Variants in FAM169A observed in about 807,000 individuals in gnomAD.
FAM169A encodes soluble lamin-associated protein of 75 kDa.
A neutral mutation model predicts 75.7 loss-of-function variants in FAM169A; 24 were observed. The observed-to-expected ratio is 0.32, with a 90% CI of 0.23 to 0.45. FAM169A has a LOEUF of 0.45. Ranked by LOEUF, FAM169A falls within the 20% of genes least tolerant of loss-of-function variation. The probability of loss-of-function intolerance (pLI) is 1.00; values close to 1 mark genes in which losing one functional copy is unlikely to be tolerated. For synonymous variants in FAM169A, 271 were observed against 271.0 expected (o/e 1.00, Z 0.00); for missense variants, 673 against 784.0 (o/e 0.86, Z 1.69).
At chr5:74,796,261 A>G in intron 10 of FAM169A, 75 bp from the exon 11 acceptor site, 1 of 1,371,542 alleles carries the variant, frequency 7.3e-7, no homozygotes, top group African/African-American at 1.5e-5. Context: ...CCTTTCTTAA[A>G]GTAACATTTT....
intron 5 of FAM169A, among the ~76,000 whole-genome samples, chr5:74,823,656 G>A (rs1747873580): frequency 6.6e-6 from 1 of 152,024 alleles, no homozygotes; most frequent in African/African-American, 2.4e-5. Flanking sequence ...AACCCTTATT[G>A]GCAAGCAAGT....
intron 8 of FAM169A, among the ~76,000 whole-genome samples, chr5:74,804,012 G>C (rs1476017383): frequency 6.6e-6 from 1 of 152,032 alleles, no homozygotes; most frequent in Non-Finnish European, 1.5e-5. Context: ...ATAGATAATA[G>C]AATAGTGTGC....
At chr5:74,811,085 CA>C (rs1361668165) in intron 6 of FAM169A, among the ~76,000 whole-genome samples, 8 of 150,382 alleles carry the variant, frequency 5.3e-5, no homozygotes, top group Admixed American at 1.3e-4. Flanking sequence ...CAGGCTCAAG[CA>C]AAATCTGGTG....
chr5:74,799,435 T>C (rs927857366), intron 10 of FAM169A: 29 of 1,612,954 alleles, frequency 1.8e-5, no homozygotes, highest in Non-Finnish European at 2.3e-5. Context: ...AGTCCTCAGC[T>C]TGGATTGGCA....
At chr5:74,818,713 G>C (rs1747601572) in intron 5 of FAM169A, among the ~76,000 whole-genome samples, 1 of 151,238 alleles carries the variant, frequency 6.6e-6, no homozygotes, top group African/African-American at 2.4e-5. Context: ...GATTACAAAA[G>C]GGCAAAGACA....
intron 6 of FAM169A, among the ~76,000 whole-genome samples, chr5:74,811,728 A>C (rs543156708): frequency 6.6e-6 from 1 of 152,360 alleles, no homozygotes; most frequent in East Asian, 1.9e-4. Context: ...TGCAAAAACA[A>C]ACCCACTAAT....
At chr5:74,784,246 G>A (rs1310033119) in intron 11 of FAM169A, among the ~76,000 whole-genome samples, 1 of 151,892 alleles carries the variant, frequency 6.6e-6, no homozygotes, top group African/African-American at 2.4e-5. Flanking sequence ...CAATAAGGGG[G>A]AAAAGGCAAG....
In FAM169A at chr5:74,796,199, A is replaced by C. The variant is rs769691284; in HGVS notation, c.1104-13T>G. On this transcript the variant is annotated splice_polypyrimidine_tract_variant and intron_variant, in intron 10 of 12. Coordinates refer to ENST00000687041, the MANE Select transcript of FAM169A (RefSeq NM_001376049.1). Reference sequence around the variant, plus strand: ...AGTAGACTCCAATCTAAAAAACAAAAGAAAACCATTCTGACTTGTTTTATT... The same window carrying C: ...AGTAGACTCCAATCTAAAAAACAAACGAAAACCATTCTGACTTGTTTTATT... 7 of 1,593,670 alleles carry C rather than the reference A, an allele frequency of 4.4e-6. No homozygotes were observed. The South Asian group carries it at 8.1e-5, about 19-fold the overall frequency.
chr5:74,805,309 T>A, intron 6 of FAM169A, 25 bp from the exon 7 acceptor site: 1 of 1,604,488 alleles, frequency 6.2e-7, no homozygotes, highest in Non-Finnish European at 8.5e-7. Flanking sequence ...TAGAATTTTC[T>A]AGAAATCCCA....
chr5:74,805,295 C>T lies in FAM169A; in HGVS notation c.671-11G>A. ...AGTATTGCTTGCAAGCTGAAAAACACATTTAGAATTTTCTAGAAATCCCAA... is the reference window on the plus strand; with the variant it reads ...AGTATTGCTTGCAAGCTGAAAAACATATTTAGAATTTTCTAGAAATCCCAA... On this transcript the variant is annotated splice_polypyrimidine_tract_variant and intron_variant, in intron 6 of 12. Coordinates refer to ENST00000687041, the MANE Select transcript of FAM169A (RefSeq NM_001376049.1). 3.1e-6 allele frequency: 5 copies of T among 1,606,120 alleles called. No homozygotes were observed. Among genetic ancestry groups the T allele is most frequent in the Non-Finnish European group, 4.2e-6 (5 of 1,177,656 alleles).
intron 6 of FAM169A, 92 bp from the exon 7 acceptor site, chr5:74,805,376 C>T (rs761561863): frequency 3.2e-5 from 38 of 1,194,270 alleles, no homozygotes; most frequent in Admixed American, 1.1e-4. Flanking sequence ...ACTCACTTAA[C>T]GGGGCTAGCA....
chr5:74,797,570 G>A (rs183540989), intron 10 of FAM169A, among the ~76,000 whole-genome samples: 40 of 152,226 alleles, frequency 2.6e-4, no homozygotes, highest in Admixed American at 9.2e-4. Flanking sequence ...TGCTTTAGTC[G>A]AAATCTGTAG....
Position 74,778,880 on chromosome 5 carries a change from TAATTGTGAA to T in FAM169A, c.*2571_*2579del, listed in dbSNP as rs1298666576. On this transcript the variant is annotated 3_prime_UTR_variant, in exon 13 of 13. Coordinates refer to ENST00000687041, the MANE Select transcript of FAM169A (RefSeq NM_001376049.1). The stretch of plus-strand genomic sequence containing the variant: ...TTGAAATCACATTTTCAGTCCTCTG[TAATTGTGAA>T]ATTTTTTCTAATGCCTTGCAAAAAC... 4 of 152,130 alleles carry T rather than the reference TAATTGTGAA, an allele frequency of 2.6e-5. No individual in the cohort carries two copies. Among genetic ancestry groups the T allele is most frequent in the Admixed American group, 1.3e-4 (2 of 15,282 alleles). 9.4% of individuals were successfully genotyped at this position (152,130 alleles called of 1,614,324 possible).
rs1435123074 is a variant in FAM169A, at chr5:74,779,201, A to G, written c.*2259T>C. ...TATACTGTTAGCCCCCAATGGTCAT[A>G]TATGATTAATAAACATTTTTTGTAA... On this transcript the variant is annotated 3_prime_UTR_variant, in exon 13 of 13. Transcript: ENST00000687041. The G allele has an allele frequency of 6.6e-6, 1 of 152,166 alleles. No homozygotes were observed. Among genetic ancestry groups the G allele is most frequent in the Non-Finnish European group, 1.5e-5 (1 of 67,994 alleles). 9.4% of individuals were successfully genotyped at this position (152,166 alleles called of 1,614,324 possible).
intron 11 of FAM169A, among the ~76,000 whole-genome samples, chr5:74,794,561 A>C (rs1362994421): frequency 6.7e-6 from 1 of 148,664 alleles, no homozygotes. Flanking sequence ...GGCGGATCAC[A>C]AGGTCAGGAG....
chr5:74,842,211 A>T (rs1459075307), intron 1 of FAM169A, among the ~76,000 whole-genome samples: 1 of 151,682 alleles, frequency 6.6e-6, no homozygotes, highest in African/African-American at 2.4e-5. Flanking sequence ...TCATGAGGTC[A>T]GGAGTTCAAG....
chr5:74,845,314 C>G (rs1373961860), intron 1 of FAM169A, among the ~76,000 whole-genome samples: 3 of 151,932 alleles, frequency 2.0e-5, no homozygotes, highest in Non-Finnish European at 4.4e-5. Context: ...GTCAGGAGAT[C>G]GAGACCATCC....
At chr5:74,850,260 G>A (rs7728889) in intron 1 of FAM169A, among the ~76,000 whole-genome samples, 1 of 152,056 alleles carries the variant, frequency 6.6e-6, no homozygotes, top group African/African-American at 2.4e-5. Flanking sequence ...CCCGGCAGTC[G>A]GACTCCGATG....
chr5:74,812,557 G>C (rs1006520376), intron 6 of FAM169A, among the ~76,000 whole-genome samples: 4 of 151,926 alleles, frequency 2.6e-5, no homozygotes, highest in African/African-American at 9.7e-5. Context: ...TGAGATAACA[G>C]GCATATGCCA....
Sources: gnomAD v4.1 joint callset for allele counts (sites outside exome capture counted in the v4.1 genomes callset) on GRCh38, gnomAD v4.1.1 for gene constraint, MANE v1.5 for transcripts, NCBI Gene and HGNC (gene_info 2026-07-23, HGNC 2026-07-21) for gene names.